The following KCNQ3 variants were observed in gnomAD, a reference collection of about 807,000 sequenced individuals.
KCNQ3 encodes the protein potassium voltage-gated channel subfamily Q member 3.
Under a neutral mutation model 92.5 loss-of-function variants are expected in KCNQ3, and 30 were observed. The ratio of observed to expected loss-of-function variants is 0.32; its 90% CI spans 0.24 to 0.44. The LOEUF is 0.44. KCNQ3 is among the 20% of genes least tolerant of loss of function. The probability of loss-of-function intolerance (pLI) is 1.00; values close to 1 mark genes in which losing one functional copy is unlikely to be tolerated. For missense variants in KCNQ3, 913 were observed against 1,140.3 expected (o/e 0.80, Z 2.87); for synonymous variants, 450 against 468.8 (o/e 0.96, Z 0.52).
chr8:132,375,967 T>C (rs1819595444), intron 1 of KCNQ3, among the ~76,000 whole-genome samples: 1 of 152,210 alleles, frequency 6.6e-6, no homozygotes, highest in African/African-American at 2.4e-5. Context: ...TTTACTGACT[T>C]TCAGCTCCTT....
chr8:132,405,126 T>C (rs1433420101), intron 1 of KCNQ3, among the ~76,000 whole-genome samples: 42 of 152,206 alleles, frequency 2.8e-4, no homozygotes, highest in Non-Finnish European at 1.2e-4. Flanking sequence ...TCTTTGTTCA[T>C]ATTCTCCTCC....
rs62519606 is a variant in KCNQ3, at chr8:132,187,368, C to T, written c.387-1187G>A. 3.1e-4 allele frequency among the ~76,000 whole-genome samples: 47 copies of T among 152,200 alleles called. 1 individual carries two copies. The highest frequency in any genetic ancestry group is 1.0e-3 in the African/African-American group (43 of 41,484). ...TGACCATAAGGACCATGATGTAAGG[C>T]GGATGGAAATGTCTCCTTCTGACCT... is the stretch of plus-strand genomic sequence containing the variant. On this transcript the variant is annotated intron_variant, in intron 1 of 14. Transcript: ENST00000388996.
intron 1 of KCNQ3, among the ~76,000 whole-genome samples, chr8:132,298,985 AATACATTC>A (rs756764275): frequency 3.6e-4 from 54 of 152,110 alleles, no homozygotes; most frequent in Non-Finnish European, 4.4e-4. Flanking sequence ...TTCAGGTGGA[AATACATTC>A]ATATGACACA....
intron 1 of KCNQ3, among the ~76,000 whole-genome samples, chr8:132,335,050 T>G (rs2130670801): frequency 6.6e-6 from 1 of 152,110 alleles, no homozygotes; most frequent in South Asian, 2.1e-4. Flanking sequence ...TTTTCTTTTT[T>G]CTTCTTTTTT....
intron 9 of KCNQ3, among the ~76,000 whole-genome samples, chr8:132,159,305 T>G (rs1462130128): frequency 6.6e-6 from 1 of 152,146 alleles, no homozygotes; most frequent in Non-Finnish European, 1.5e-5. Context: ...CCTCATTCTT[T>G]GAGGAAAAAA....
chr8:132,357,570 G>C (rs1194993508), intron 1 of KCNQ3, among the ~76,000 whole-genome samples: 2 of 152,198 alleles, frequency 1.3e-5, no homozygotes, highest in Non-Finnish European at 1.5e-5. Flanking sequence ...GCCCCAGCCA[G>C]TCCTAGCCAA....
intron 8 of KCNQ3, 43 bp from the exon 9 acceptor site, chr8:132,163,537 G>C: frequency 6.7e-7 from 1 of 1,496,318 alleles, no homozygotes. Flanking sequence ...TAAATTACGT[G>C]AAACAGCTGT....
chr8:132,367,043 G>A (rs1819342284), intron 1 of KCNQ3, among the ~76,000 whole-genome samples: 1 of 152,168 alleles, frequency 6.6e-6, no homozygotes, highest in Admixed American at 6.5e-5. Context: ...GCCAGGGGAG[G>A]AGGCTGGAGG....
intron 1 of KCNQ3, among the ~76,000 whole-genome samples, chr8:132,445,583 G>A (rs2130843788): frequency 6.6e-6 from 1 of 152,274 alleles, no homozygotes; most frequent in African/African-American, 2.4e-5. Context: ...GTAAAGCCAT[G>A]AAGACATCTT....
chr8:132,200,714 A>C (rs1267510558), intron 1 of KCNQ3, among the ~76,000 whole-genome samples: 1 of 152,156 alleles, frequency 6.6e-6, no homozygotes, highest in Non-Finnish European at 1.5e-5. Context: ...AAGCTTCTTT[A>C]GTACTGTGAT....
Position 132,141,349 on chromosome 8 carries a change from G to T in KCNQ3, c.1263-18C>A. ...GCTTTTGGCTACAAAATAAGCAAAA[G>T]TGAACAATTTTCCTCCTTCAGTGCA... On this transcript the variant is annotated intron_variant, in intron 9 of 14. Transcript: ENST00000388996. 6.2e-7 allele frequency: 1 copy of T among 1,612,224 alleles called. No homozygotes were observed. The highest frequency in any genetic ancestry group is 8.5e-7 in the Non-Finnish European group (1 of 1,178,688).
At chr8:132,292,798 G>A (rs1471106380) in intron 1 of KCNQ3, among the ~76,000 whole-genome samples, 4 of 152,218 alleles carry the variant, frequency 2.6e-5, no homozygotes, top group Middle Eastern at 3.4e-3. Context: ...CCTTCTTCAT[G>A]TCCTTCTTTC....
chr8:132,370,583 A>G (rs1819447578), intron 1 of KCNQ3, among the ~76,000 whole-genome samples: 1 of 152,126 alleles, frequency 6.6e-6, no homozygotes, highest in Admixed American at 6.5e-5. Context: ...AATTGGGAAG[A>G]GGAGAGCAAG....
At chr8:132,184,861 C>A (rs1477335510) in intron 2 of KCNQ3, among the ~76,000 whole-genome samples, 1 of 152,186 alleles carries the variant, frequency 6.6e-6, no homozygotes, top group African/African-American at 2.4e-5. Flanking sequence ...TCTCATCTTA[C>A]ATTTTGAGAA....
chr8:132,365,554 A>G (rs1458831049), intron 1 of KCNQ3, among the ~76,000 whole-genome samples: 1 of 152,172 alleles, frequency 6.6e-6, no homozygotes, highest in African/African-American at 2.4e-5. Context: ...GCTGTGTGCA[A>G]CCTTAGATAA....
intron 1 of KCNQ3, among the ~76,000 whole-genome samples, chr8:132,294,750 A>T (rs928139410): frequency 1.3e-5 from 2 of 152,218 alleles, no homozygotes; most frequent in Admixed American, 1.3e-4. Context: ...AACTGCTAGC[A>T]AAAGGAATAC....
intron 1 of KCNQ3, among the ~76,000 whole-genome samples, 155 bp downstream of exon 1, chr8:132,479,985 CACACACA>C (rs1563925542): frequency 6.6e-6 from 1 of 151,886 alleles, no homozygotes; most frequent in Non-Finnish European, 1.5e-5. Flanking sequence ...CACACACACA[CACACACA>C]CCCAGGGAAA....
intron 1 of KCNQ3, among the ~76,000 whole-genome samples, chr8:132,310,918 A>G (rs983097588): frequency 7.9e-5 from 12 of 151,662 alleles, no homozygotes; most frequent in African/African-American, 2.9e-4. Flanking sequence ...AACAAATGGT[A>G]TCAGAGTCAC....
rs2436129 is a variant in KCNQ3, at chr8:132,122,388, G to A, written c.*6874C>T. ...GAAGGGAACATTAACATAAAATATGGTCTCATTTTTTATTACTCTTAGGTA... is the reference window on the plus strand; with the variant it reads ...GAAGGGAACATTAACATAAAATATGATCTCATTTTTTATTACTCTTAGGTA... On this transcript the variant is annotated 3_prime_UTR_variant, in exon 15 of 15. Transcript: ENST00000388996. The A allele has an allele frequency of 6.6e-6, 1 of 152,000 alleles. No homozygotes were observed. The highest frequency in any genetic ancestry group is 2.4e-5 in the African/African-American group (1 of 41,394). The allele number at this position is 152,000 out of a possible 1,614,324, so 9.4% of individuals were successfully genotyped here.
Sources: gnomAD v4.1 joint callset for allele counts (sites outside exome capture counted in the v4.1 genomes callset) on GRCh38, gnomAD v4.1.1 for gene constraint, MANE v1.5 for transcripts, NCBI Gene and HGNC (gene_info 2026-07-23, HGNC 2026-07-21) for gene names.